The following SDK1 variants were observed in gnomAD, a reference collection of about 807,000 sequenced individuals.
SDK1 encodes the protein protein sidekick-1.
In SDK1, 157 loss-of-function variants were observed where a neutral mutation model predicts 245.5. The observed-to-expected ratio is 0.64, with a 90% CI of 0.56 to 0.73. SDK1 has a LOEUF of 0.73. SDK1 is among the 30% of genes least tolerant of loss of function. The pLI, the probability that SDK1 is intolerant of heterozygous loss-of-function variation, is 0.00. For missense variants in SDK1, 3,583 were observed against 3,002.3 expected (o/e 1.19, Z -4.52); for synonymous variants, 1,647 against 1,278.5 (o/e 1.29, Z -6.15).
chr7:3,779,513 C>G lies in SDK1; in HGVS notation c.714-41937C>G, dbSNP rs192574319. Among the ~76,000 whole-genome samples, 138 of 151,680 alleles carry G rather than the reference C, an allele frequency of 9.1e-4. 1 individual carries two copies. The highest frequency in any genetic ancestry group is 3.2e-3 in the African/African-American group (131 of 41,410). Reference sequence around the variant, plus strand: ...CAAATCTGACCTGTTTATATTTAAACATCGGTGATTGGAAAACCGTTTTCA... The same window carrying G: ...CAAATCTGACCTGTTTATATTTAAAGATCGGTGATTGGAAAACCGTTTTCA... On this transcript the variant is annotated intron_variant, in intron 4 of 44. Coordinates refer to ENST00000404826, the MANE Select transcript of SDK1 (RefSeq NM_152744.4).
intron 1 of SDK1, among the ~76,000 whole-genome samples, chr7:3,610,959 A>T (rs1220877535): frequency 6.6e-6 from 1 of 152,176 alleles, no homozygotes; most frequent in African/African-American, 2.4e-5. Context: ...CAAAATGATG[A>T]CTTTGTGGTG....
Position 3,951,935 on chromosome 7 carries a change from T to C in SDK1, c.1150+15T>C. The C allele has an allele frequency of 6.2e-7, 1 of 1,605,818 alleles. No homozygotes were observed. Among genetic ancestry groups the C allele is most frequent in the Non-Finnish European group, 8.5e-7 (1 of 1,178,006 alleles). ...TTTCATCATAGGTAATGCGGGAGCC[T>C]CTAAGTGGTGTTGCCAGCATCTCAG... On this transcript the variant is annotated intron_variant, in intron 7 of 44. Transcript: ENST00000404826.
At chr7:4,116,938 C>G (rs550826550) in intron 25 of SDK1, among the ~76,000 whole-genome samples, 3 of 152,316 alleles carry the variant, frequency 2.0e-5, no homozygotes, top group African/African-American at 4.8e-5. Context: ...GCTTTCATTA[C>G]GTTCCAAAGG....
At chr7:3,559,125 G>GT (rs1314822032) in intron 1 of SDK1, among the ~76,000 whole-genome samples, 2 of 152,150 alleles carry the variant, frequency 1.3e-5, no homozygotes, top group African/African-American at 4.8e-5. Context: ...CCATTAGTGT[G>GT]TAAGTCAGAT....
chr7:3,675,964 C>T (rs1783880052), intron 4 of SDK1, among the ~76,000 whole-genome samples: 1 of 152,044 alleles, frequency 6.6e-6, no homozygotes, highest in Admixed American at 6.6e-5. Context: ...TGCATAGTTC[C>T]TGAATATTTT....
chr7:3,587,305 G>C (rs970652449), intron 1 of SDK1, among the ~76,000 whole-genome samples: 1 of 52,704 alleles, frequency 1.9e-5, no homozygotes, highest in African/African-American at 8.9e-5. Context: ...CAGAACGTGT[G>C]TGTGTGTGTG....
At chr7:3,554,533 G>A (rs1779521369) in intron 1 of SDK1, among the ~76,000 whole-genome samples, 1 of 152,158 alleles carries the variant, frequency 6.6e-6, no homozygotes, top group African/African-American at 2.4e-5. Flanking sequence ...TCCAGAGATT[G>A]TACTCACTCC....
intron 40 of SDK1, among the ~76,000 whole-genome samples, chr7:4,228,619 A>G (rs1785572120): frequency 6.6e-6 from 1 of 152,148 alleles, no homozygotes; most frequent in African/African-American, 2.4e-5. Flanking sequence ...GGCTCACTGC[A>G]ACCTTCACCT....
intron 44 of SDK1, among the ~76,000 whole-genome samples, chr7:4,260,507 G>A (rs1336143790): frequency 1.7e-5 from 2 of 120,878 alleles, no homozygotes; most frequent in Non-Finnish European, 3.4e-5. Context: ...TGATGGAGAA[G>A]CTGGCTGCTC....
chr7:3,686,162 A>C (rs1021177537), intron 4 of SDK1, among the ~76,000 whole-genome samples: 3 of 151,992 alleles, frequency 2.0e-5, no homozygotes. Context: ...TGCAACCTCT[A>C]CCTCCTGGGT....
chr7:3,421,133 G>A (rs916220931), intron 1 of SDK1, among the ~76,000 whole-genome samples: 2 of 147,514 alleles, frequency 1.4e-5, no homozygotes, highest in Admixed American at 6.8e-5. Context: ...GTGCAGTGGC[G>A]TGATCTTGTC....
rs1205197141 is a variant in SDK1, at chr7:4,017,349, G to A, written c.2599G>A (p.Gly867Arg). Residue 867 changes from glycine to arginine, a missense_variant, in exon 17 of 45, where the codon GGA becomes AGA. Transcript: ENST00000404826. ...SRAVTEYTLQ[G>R]VPTAPPQNVQ... ...GGCAGTGACCGAGTACACCTTGCAG[G>A]GAGGTAAGCTTGTCTCCAAAACCAC... 1 of 1,604,616 alleles carries A rather than the reference G, an allele frequency of 6.2e-7. No individual in the cohort carries two copies. The highest frequency in any genetic ancestry group is 1.7e-5 in the Admixed American group (1 of 58,708).
At chr7:3,732,189 A>G (rs1460779094) in intron 4 of SDK1, among the ~76,000 whole-genome samples, 3 of 152,228 alleles carry the variant, frequency 2.0e-5, no homozygotes, top group African/African-American at 7.2e-5. Flanking sequence ...AGTAGGTAGG[A>G]AGGTGTAGGG....
intron 30 of SDK1, among the ~76,000 whole-genome samples, chr7:4,150,760 G>A (rs76682906): frequency 0.023 from 3,478 of 152,316 alleles, 118 homozygotes; most frequent in African/African-American, 0.079. Flanking sequence ...TTGGAGTGTG[G>A]GTGTAACTGG....
intron 4 of SDK1, among the ~76,000 whole-genome samples, chr7:3,729,670 A>G (rs1465918569): frequency 6.6e-6 from 1 of 152,118 alleles, no homozygotes; most frequent in African/African-American, 2.4e-5. Flanking sequence ...ATTTTGTTAG[A>G]TCATCCCAGA....
At chr7:3,728,208 T>C (rs560664835) in intron 4 of SDK1, among the ~76,000 whole-genome samples, 2 of 152,346 alleles carry the variant, frequency 1.3e-5, no homozygotes, top group East Asian at 1.9e-4. Flanking sequence ...GTAGTACTTA[T>C]CAGCTATCTC....
At chr7:4,208,348 C>T in intron 37 of SDK1, 63 bp downstream of exon 37, 6 of 1,461,940 alleles carry the variant, frequency 4.1e-6, no homozygotes, top group Non-Finnish European at 4.7e-6. Context: ...AGAGCGCCAG[C>T]TCAGGTCCCC....
intron 40 of SDK1, among the ~76,000 whole-genome samples, chr7:4,227,832 C>T (rs1356915658): frequency 6.6e-6 from 1 of 152,238 alleles, no homozygotes; most frequent in African/African-American, 2.4e-5. Flanking sequence ...GATCATGTTT[C>T]TGGGTGTATT....
At chr7:3,664,156 C>T in intron 4 of SDK1, among the ~76,000 whole-genome samples, 1 of 152,050 alleles carries the variant, frequency 6.6e-6, no homozygotes, top group East Asian at 1.9e-4. Flanking sequence ...ATTTTTCTTT[C>T]TTCTTGGTGG....
Sources: allele counts gnomAD v4.1 joint callset (sites outside exome capture counted in the v4.1 genomes callset), GRCh38; gene constraint gnomAD v4.1.1; transcripts MANE v1.5; gene names NCBI Gene and HGNC (gene_info 2026-07-23, HGNC 2026-07-21).